Variants in CACNA2D3 observed in about 807,000 individuals in gnomAD.
CACNA2D3 encodes the protein voltage-dependent calcium channel subunit alpha-2/delta-3.
A neutral mutation model predicts 160.6 loss-of-function variants in CACNA2D3; 60 were observed. The ratio of observed to expected loss-of-function variants is 0.37; its 90% CI spans 0.30 to 0.46. CACNA2D3 has a LOEUF of 0.46. Ranked by LOEUF, CACNA2D3 falls within the 20% of genes least tolerant of loss-of-function variation. CACNA2D3 has a pLI of 1.00. For missense variants in CACNA2D3, 1,205 were observed against 1,365.0 expected, an observed-to-expected ratio of 0.88 and a Z score of 1.85; for synonymous variants, 558 against 492.9, an observed-to-expected ratio of 1.13 and a Z score of -1.75.
chr3:54,629,361 A>C (rs1395450078), intron 10 of CACNA2D3, among the ~76,000 whole-genome samples: 1 of 152,196 alleles, frequency 6.6e-6, no homozygotes, highest in African/African-American at 2.4e-5. Context: ...CTACTCAGCT[A>C]TACTGGCCTC....
intron 17 of CACNA2D3, among the ~76,000 whole-genome samples, chr3:54,865,233 G>A (rs1699372513): frequency 1.3e-5 from 2 of 152,188 alleles, no homozygotes; most frequent in Admixed American, 6.5e-5. Flanking sequence ...GGCAGGTGCC[G>A]ACGCCGGTGT....
intron 2 of CACNA2D3, among the ~76,000 whole-genome samples, chr3:54,161,866 G>A (rs917670813): frequency 3.3e-5 from 5 of 152,330 alleles, no homozygotes; most frequent in Admixed American, 3.3e-4. Flanking sequence ...AGCGATGATT[G>A]CTCCTTGGGG....
At chr3:54,841,946 G>A (rs559225283) in intron 16 of CACNA2D3, among the ~76,000 whole-genome samples, 124 of 152,306 alleles carry the variant, frequency 8.1e-4, no homozygotes, top group African/African-American at 2.5e-3. Flanking sequence ...CCTTGTGTCC[G>A]ATCTGTTCTC....
chr3:54,589,718 T>C lies in CACNA2D3; in HGVS notation c.963+7841T>C, dbSNP rs114260872. Among the ~76,000 whole-genome samples, 1,476 of 152,106 alleles carry C rather than the reference T, an allele frequency of 9.7e-3. 10 individuals are homozygous for C. The highest frequency in any genetic ancestry group is 0.015 in the Non-Finnish European group (1,010 of 67,968). On this transcript the variant is annotated intron_variant, in intron 9 of 37. Coordinates refer to ENST00000474759, the MANE Select transcript of CACNA2D3 (RefSeq NM_018398.3). ...TCTTAAAACTCAACAATAAACACAA[T>C]TGAATTTAAAAATGGGCAAAAGCCA...
chr3:55,030,935 T>C (rs1046978088), intron 35 of CACNA2D3, among the ~76,000 whole-genome samples: 13 of 152,168 alleles, frequency 8.5e-5, no homozygotes, highest in African/African-American at 2.9e-4. Flanking sequence ...ATGTCTATAA[T>C]GACTAGGCAG....
intron 3 of CACNA2D3, among the ~76,000 whole-genome samples, chr3:54,374,470 G>A (rs886143846): frequency 6.6e-6 from 1 of 152,220 alleles, no homozygotes; most frequent in African/African-American, 2.4e-5. Context: ...GGTGCTGAGA[G>A]TCAGCAGGCA....
At chr3:54,742,775 A>G (rs1171158248) in intron 11 of CACNA2D3, among the ~76,000 whole-genome samples, 1 of 152,220 alleles carries the variant, frequency 6.6e-6, no homozygotes, top group Non-Finnish European at 1.5e-5. Context: ...TCCATCTAGA[A>G]TCAAGAGGCA....
chr3:54,653,437 G>A (rs1162283785), intron 11 of CACNA2D3, among the ~76,000 whole-genome samples: 2 of 152,116 alleles, frequency 1.3e-5, no homozygotes, highest in Non-Finnish European at 2.9e-5. Context: ...AGTCATTGCT[G>A]TGTTTCTTCA....
chr3:54,984,309 A>G (rs931365564), intron 29 of CACNA2D3, among the ~76,000 whole-genome samples: 1 of 151,530 alleles, frequency 6.6e-6, no homozygotes, highest in Non-Finnish European at 1.5e-5. Context: ...TATAAAGAAA[A>G]AAAAAAAGGA....
intron 5 of CACNA2D3, among the ~76,000 whole-genome samples, chr3:54,527,982 A>T (rs1701751151): frequency 6.6e-6 from 1 of 152,136 alleles, no homozygotes. Flanking sequence ...TTTTTTAATA[A>T]CTTTCACCAG....
intron 5 of CACNA2D3, among the ~76,000 whole-genome samples, chr3:54,511,430 G>A: frequency 6.6e-6 from 1 of 151,994 alleles, no homozygotes; most frequent in East Asian, 1.9e-4. Flanking sequence ...GAATTGAACT[G>A]AATCCTCTTA....
At chr3:54,589,556 G>GT (rs1702823092) in intron 9 of CACNA2D3, among the ~76,000 whole-genome samples, 1 of 150,160 alleles carries the variant, frequency 6.7e-6, no homozygotes, top group South Asian at 2.1e-4. Flanking sequence ...TCATTAAAAT[G>GT]AAAAAAAAAG....
intron 11 of CACNA2D3, among the ~76,000 whole-genome samples, chr3:54,709,807 G>C (rs1700922430): frequency 6.6e-6 from 1 of 152,102 alleles, no homozygotes; most frequent in Non-Finnish European, 1.5e-5. Flanking sequence ...GTGCCTGTGG[G>C]TCCAGCTACT....
intron 11 of CACNA2D3, among the ~76,000 whole-genome samples, chr3:54,682,969 A>T (rs1700382801): frequency 6.6e-6 from 1 of 152,214 alleles, no homozygotes; most frequent in Admixed American, 6.5e-5. Context: ...AAAACAGCAC[A>T]GTGAAAATAG....
intron 27 of CACNA2D3, among the ~76,000 whole-genome samples, chr3:54,966,271 C>T: frequency 6.6e-6 from 1 of 152,114 alleles, no homozygotes; most frequent in East Asian, 1.9e-4. Flanking sequence ...GGGAGTCAGA[C>T]CCTGTTTTGC....
At chr3:54,586,262 C>CA (rs34992866) in intron 9 of CACNA2D3, among the ~76,000 whole-genome samples, 1,388 of 101,256 alleles carry the variant, frequency 0.014, 63 homozygotes, top group African/African-American at 0.04. Flanking sequence ...AGATCCATCT[C>CA]AAAAAAAAAA....
At chr3:54,469,934 A>G (rs1159574067) in intron 4 of CACNA2D3, among the ~76,000 whole-genome samples, 1 of 152,210 alleles carries the variant, frequency 6.6e-6, no homozygotes, top group Non-Finnish European at 1.5e-5. Context: ...GACTATGTGA[A>G]AAGACCAAAC....
intron 35 of CACNA2D3, among the ~76,000 whole-genome samples, chr3:55,049,356 A>C (rs532733998): frequency 5.6e-4 from 79 of 140,276 alleles, no homozygotes; most frequent in East Asian, 1.2e-3. Context: ...TCATTTCGTT[A>C]TGTACCCAGT....
At chr3:54,801,133 C>T (rs944869215) in intron 13 of CACNA2D3, among the ~76,000 whole-genome samples, 1 of 151,918 alleles carries the variant, frequency 6.6e-6, no homozygotes, top group Admixed American at 6.6e-5. Flanking sequence ...ACTATAGGCA[C>T]CCAGCACCAC....
Sources: gnomAD v4.1 joint callset for allele counts (sites outside exome capture counted in the v4.1 genomes callset) on GRCh38, gnomAD v4.1.1 for gene constraint, MANE v1.5 for transcripts, NCBI Gene and HGNC (gene_info 2026-07-23, HGNC 2026-07-21) for gene names.